The following AUTS2 variants were observed in gnomAD, a reference collection of about 807,000 sequenced individuals.
AUTS2 encodes autism susceptibility gene 2 protein.
A neutral mutation model predicts 112.4 loss-of-function variants in AUTS2; 17 were observed. That is an observed-to-expected ratio of 0.15 (90% confidence interval 0.10 to 0.23). The LOEUF (loss-of-function observed/expected upper bound fraction) is 0.23, where lower values mean the gene tolerates loss of function less well. Among genes scored for constraint, AUTS2 ranks in the 10% least tolerant of loss-of-function variants. AUTS2 has a pLI of 1.00. For synonymous variants in AUTS2, 751 were observed against 702.7 expected, an observed-to-expected ratio of 1.07 and a Z score of -1.09; for missense variants, 1,510 against 1,701.6, an observed-to-expected ratio of 0.89 and a Z score of 1.98.
At chr7:70,213,167 T>A (rs1399472241) in intron 4 of AUTS2, among the ~76,000 whole-genome samples, 1 of 152,020 alleles carries the variant, frequency 6.6e-6, no homozygotes. Context: ...TATCAACGAA[T>A]TTTTTTAAAA....
At chr7:69,781,343 G>A (rs1789135957) in intron 1 of AUTS2, among the ~76,000 whole-genome samples, 3 of 152,224 alleles carry the variant, frequency 2.0e-5, no homozygotes, top group Non-Finnish European at 4.4e-5. Flanking sequence ...ACTACTGATA[G>A]TTTTAGGAAT....
At chr7:70,104,637 A>G (rs749421679) in intron 2 of AUTS2, among the ~76,000 whole-genome samples, 1 of 152,212 alleles carries the variant, frequency 6.6e-6, no homozygotes, top group East Asian at 1.9e-4. Context: ...TTATGATGAA[A>G]CAGAATGCTT....
At chr7:69,853,869 A>G (rs1237367130) in intron 1 of AUTS2, among the ~76,000 whole-genome samples, 1 of 152,144 alleles carries the variant, frequency 6.6e-6, no homozygotes, top group African/African-American at 2.4e-5. Flanking sequence ...ATACCACAAT[A>G]TTGCTGTAAG....
At chr7:70,634,546 C>T (rs1805437122) in intron 5 of AUTS2, among the ~76,000 whole-genome samples, 1 of 152,164 alleles carries the variant, frequency 6.6e-6, no homozygotes, top group Admixed American at 6.5e-5. Flanking sequence ...GCATTCAGAG[C>T]TGTTGGCCTG....
chr7:70,015,462 A>G (rs1799985376), intron 2 of AUTS2, among the ~76,000 whole-genome samples: 3 of 152,246 alleles, frequency 2.0e-5, no homozygotes, highest in Admixed American at 1.3e-4. Flanking sequence ...AGATGTGTCT[A>G]AATTCTGAGC....
chr7:69,672,216 T>A (rs1388797948), intron 1 of AUTS2, among the ~76,000 whole-genome samples: 1 of 152,064 alleles, frequency 6.6e-6, no homozygotes, highest in Non-Finnish European at 1.5e-5. Context: ...TGCACCACCA[T>A]GCCTGGCTAA....
intron 5 of AUTS2, among the ~76,000 whole-genome samples, chr7:70,480,419 T>C (rs1797747292): frequency 6.6e-6 from 1 of 152,214 alleles, no homozygotes; most frequent in East Asian, 1.9e-4. Context: ...GCCATATCCT[T>C]GCATGCTTAT....
chr7:70,312,999 G>A (rs527617936), intron 4 of AUTS2, among the ~76,000 whole-genome samples: 66 of 152,288 alleles, frequency 4.3e-4, no homozygotes, highest in African/African-American at 1.5e-3. Context: ...GTAAAAGAAC[G>A]TCTAAACTGC....
At chr7:70,034,140 G>T (rs55634692) in intron 2 of AUTS2, among the ~76,000 whole-genome samples, 104 of 152,238 alleles carry the variant, frequency 6.8e-4, no homozygotes, top group Admixed American at 1.1e-3. Context: ...AAAAGTAAAA[G>T]ATAAATGTAG....
chr7:69,672,057 CTTTT>C (rs1042387804), intron 1 of AUTS2, among the ~76,000 whole-genome samples: 4 of 150,910 alleles, frequency 2.7e-5, no homozygotes, highest in African/African-American at 9.7e-5. Flanking sequence ...CGTAACTTTT[CTTTT>C]TCTTTTTTTT....
At chr7:69,822,956 C>G (rs1009905828) in intron 1 of AUTS2, among the ~76,000 whole-genome samples, 5 of 152,058 alleles carry the variant, frequency 3.3e-5, no homozygotes, top group African/African-American at 1.2e-4. Flanking sequence ...TTGCAAGTGA[C>G]AAAAATAAAT....
chr7:70,398,895 T>A (rs2130056879), intron 4 of AUTS2, among the ~76,000 whole-genome samples: 1 of 152,310 alleles, frequency 6.6e-6, no homozygotes, highest in South Asian at 2.1e-4. Flanking sequence ...CCTGGTTTTC[T>A]GATTTTATCA....
At chr7:70,306,619 G>A (rs1356917575) in intron 4 of AUTS2, among the ~76,000 whole-genome samples, 1 of 152,182 alleles carries the variant, frequency 6.6e-6, no homozygotes, top group East Asian at 1.9e-4. Context: ...AGAAGATACT[G>A]TAAAGAGACT....
chr7:69,790,910 C>T (rs1380812256), intron 1 of AUTS2, among the ~76,000 whole-genome samples: 1 of 152,216 alleles, frequency 6.6e-6, no homozygotes, highest in Non-Finnish European at 1.5e-5. Context: ...GGAGACCCAA[C>T]TGGGTTCTAT....
intron 5 of AUTS2, among the ~76,000 whole-genome samples, chr7:70,568,355 G>T (rs964725512): frequency 6.6e-6 from 1 of 152,144 alleles, no homozygotes; most frequent in African/African-American, 2.4e-5. Context: ...TAAGGATAAC[G>T]GGAGTACCTA....
chr7:70,365,910 C>T (rs1248301149), intron 4 of AUTS2, among the ~76,000 whole-genome samples: 1 of 152,196 alleles, frequency 6.6e-6, no homozygotes, highest in East Asian at 1.9e-4. Flanking sequence ...ACCATAAAAG[C>T]TCAAATGGAA....
intron 1 of AUTS2, among the ~76,000 whole-genome samples, chr7:69,883,496 C>G (rs1794145988): frequency 6.6e-6 from 1 of 152,070 alleles, no homozygotes; most frequent in Non-Finnish European, 1.5e-5. Context: ...CAACCCAGCT[C>G]TTCTCTCTCT....
chr7:70,674,521 G>A (rs1016085497), intron 5 of AUTS2, among the ~76,000 whole-genome samples: 1 of 152,220 alleles, frequency 6.6e-6, no homozygotes, highest in Non-Finnish European at 1.5e-5. Context: ...TAGGCGAGGA[G>A]TGATGATTCT....
chr7:70,447,556 G>A lies in AUTS2; in HGVS notation c.690+11775G>A, dbSNP rs184969295. Among the ~76,000 whole-genome samples, 30 of 152,240 alleles carry A rather than the reference G, an allele frequency of 2.0e-4. 1 individual carries two copies. The highest frequency in any genetic ancestry group is 4.1e-4 in the South Asian group (2 of 4,822). ...GGAACTGAATCACAGAGGTATTACC[G>A]AACATGCCCAGTCTTGCTCCTGGTT... On this transcript the variant is annotated intron_variant, in intron 5 of 18. Transcript: ENST00000342771.
Sources: allele counts gnomAD v4.1 joint callset (sites outside exome capture counted in the v4.1 genomes callset), GRCh38; gene constraint gnomAD v4.1.1; transcripts MANE v1.5; gene names NCBI Gene and HGNC (gene_info 2026-07-23, HGNC 2026-07-21).